FSTL5: variants seen among roughly 807,000 people sequenced by gnomAD.
The protein encoded by FSTL5 is follistatin like 5, also known as follistatin-related protein 5.
Under a neutral mutation model 89.1 loss-of-function variants are expected in FSTL5, and 62 were observed. That is an observed-to-expected ratio of 0.70 (90% CI 0.57 to 0.86). The LOEUF (loss-of-function observed/expected upper bound fraction) is 0.86, where lower values mean the gene tolerates loss of function less well. Ranked by LOEUF, FSTL5 falls within the 40% of genes least tolerant of loss-of-function variation. The pLI, the probability that FSTL5 is intolerant of heterozygous loss-of-function variation, is 0.00. For missense variants in FSTL5, 1,057 were observed against 1,001.6 expected (o/e 1.06, Z -0.75); for synonymous variants, 383 against 346.2 (o/e 1.11, Z -1.18).
At chr4:161,616,548 C>T (rs569581476) in intron 7 of FSTL5, among the ~76,000 whole-genome samples, 7 of 152,260 alleles carry the variant, frequency 4.6e-5, no homozygotes, top group South Asian at 2.1e-4. Flanking sequence ...AGCTTGCAGA[C>T]GGCCCATTAT....
chr4:161,597,368 C>T lies in FSTL5; in HGVS notation c.895-9793G>A, dbSNP rs184206697. Among the ~76,000 whole-genome samples, 3 of 150,824 alleles carry T rather than the reference C, an allele frequency of 2.0e-5. No homozygotes were observed. The East Asian group carries it at 6.0e-4, about 30-fold the overall frequency. On this transcript the variant is annotated intron_variant, in intron 7 of 15. Coordinates refer to ENST00000306100, the MANE Select transcript of FSTL5 (RefSeq NM_020116.5). ...GCTGGAAACCATCATTCTCAGCAAA[C>T]TATCCCAAGGACAAAAAACCAAACA...
At chr4:161,835,646 C>T (rs1222862453) in intron 4 of FSTL5, among the ~76,000 whole-genome samples, 33 of 151,738 alleles carry the variant, frequency 2.2e-4, no homozygotes, top group Admixed American at 3.9e-4. Flanking sequence ...GGGTGAAGGA[C>T]ATGAACAGAC....
chr4:162,013,908 G>T (rs940577049), intron 3 of FSTL5, among the ~76,000 whole-genome samples: 2 of 152,012 alleles, frequency 1.3e-5, no homozygotes, highest in Non-Finnish European at 2.9e-5. Context: ...CATTGAGCTT[G>T]ATAAAGGTGC....
Position 161,469,862 on chromosome 4 carries a change from T to C in FSTL5, c.1609-10543A>G, listed in dbSNP as rs1733876463. 2.6e-5 allele frequency among the ~76,000 whole-genome samples: 4 copies of C among 152,178 alleles called. No individual in the cohort carries two copies. The South Asian group carries it at 8.3e-4, about 32-fold the overall frequency. ...TTTCACCGTGTTAGCCAGGATGGTC[T>C]CAATCTCCTGACTTTGTGATCCACC... On this transcript the variant is annotated intron_variant, in intron 13 of 15. Transcript: ENST00000306100.
chr4:161,805,585 GCAA>G (rs572033170), intron 4 of FSTL5, among the ~76,000 whole-genome samples: 99 of 152,178 alleles, frequency 6.5e-4, no homozygotes, highest in African/African-American at 2.1e-3. Context: ...GAACAATGAG[GCAA>G]CCTTGTATCA....
At position 161,779,800 on chromosome 4, in the gene FSTL5, T is replaced by TATAC. The variant is rs1741581043; in HGVS notation, c.410-3727_410-3726insGTAT. Among the ~76,000 whole-genome samples, 4 of 57,184 alleles carry TATAC rather than the reference T, an allele frequency of 7.0e-5. No homozygotes were observed. The South Asian group carries it at 2.1e-3, about 31-fold the overall frequency. The allele number at this position is 57,184 out of a possible 152,430, so 37.5% of individuals were successfully genotyped here. On this transcript the variant is annotated intron_variant, in intron 4 of 15. Coordinates refer to ENST00000306100, the MANE Select transcript of FSTL5 (RefSeq NM_020116.5). ...GTATATATATATATATATATATATA[T>TATAC]ATATATATATGTATATATATATATA...
At chr4:161,924,344 T>G (rs1308902920) in intron 3 of FSTL5, among the ~76,000 whole-genome samples, 1 of 150,958 alleles carries the variant, frequency 6.6e-6, no homozygotes, top group African/African-American at 2.4e-5. Context: ...CAATAATGAA[T>G]AAAATTATCT....
intron 7 of FSTL5, among the ~76,000 whole-genome samples, chr4:161,604,987 G>A (rs1734386356): frequency 6.6e-6 from 1 of 152,086 alleles, no homozygotes; most frequent in African/African-American, 2.4e-5. Context: ...GAGGATAGAG[G>A]CAATGCATTA....
At chr4:161,986,801 G>C (rs575954485) in intron 3 of FSTL5, among the ~76,000 whole-genome samples, 3 of 152,116 alleles carry the variant, frequency 2.0e-5, no homozygotes. Flanking sequence ...CATGTTTGAC[G>C]TTGATGGCTC....
intron 3 of FSTL5, among the ~76,000 whole-genome samples, chr4:162,029,671 T>G (rs1016545113): frequency 6.6e-6 from 1 of 152,088 alleles, no homozygotes; most frequent in East Asian, 1.9e-4. Flanking sequence ...TTCTTAAAGT[T>G]ATGAAGCACT....
At chr4:161,928,816 T>C (rs1213769029) in intron 3 of FSTL5, among the ~76,000 whole-genome samples, 1 of 151,836 alleles carries the variant, frequency 6.6e-6, no homozygotes, top group African/African-American at 2.4e-5. Flanking sequence ...GATGTGTCTT[T>C]GCAAATATTT....
chr4:162,111,434 G>T, intron 1 of FSTL5, 22 bp from the exon 2 acceptor site: 1 of 1,551,664 alleles, frequency 6.4e-7, no homozygotes, highest in Non-Finnish European at 8.8e-7. Context: ...AAAATTGCAA[G>T]GAATCAGAGA....
chr4:161,576,871 T>C (rs1733226744), intron 8 of FSTL5, among the ~76,000 whole-genome samples: 1 of 152,192 alleles, frequency 6.6e-6, no homozygotes, highest in Admixed American at 6.5e-5. Flanking sequence ...TAGGTAGGCA[T>C]CCATAGGCTG....
At chr4:162,080,327 T>G (rs1006664601) in intron 2 of FSTL5, among the ~76,000 whole-genome samples, 1 of 151,794 alleles carries the variant, frequency 6.6e-6, no homozygotes, top group East Asian at 2.0e-4. Flanking sequence ...AACACTGATA[T>G]GAATAATTAA....
At chr4:162,048,970 G>C (rs561222432) in intron 2 of FSTL5, among the ~76,000 whole-genome samples, 1 of 152,262 alleles carries the variant, frequency 6.6e-6, no homozygotes, top group South Asian at 2.1e-4. Context: ...TTTTGGAACT[G>C]AGATGTTGGC....
At chr4:161,467,869 G>T (rs1291215515) in intron 13 of FSTL5, among the ~76,000 whole-genome samples, 1 of 152,068 alleles carries the variant, frequency 6.6e-6, no homozygotes, top group East Asian at 1.9e-4. Context: ...TTTTTTAAAA[G>T]ATAAATGTAT....
intron 1 of FSTL5, among the ~76,000 whole-genome samples, chr4:162,135,696 G>C (rs955087876): frequency 6.6e-6 from 1 of 152,070 alleles, no homozygotes; most frequent in Non-Finnish European, 1.5e-5. Context: ...TGAGATCAGA[G>C]ATTATAACTG....
intron 10 of FSTL5, among the ~76,000 whole-genome samples, chr4:161,519,165 G>C (rs1472939444): frequency 6.6e-6 from 1 of 152,296 alleles, no homozygotes; most frequent in East Asian, 1.9e-4. Flanking sequence ...GACATTTACT[G>C]TTTCAACGTG....
At chr4:162,154,095 C>T (rs1401169065) in intron 1 of FSTL5, among the ~76,000 whole-genome samples, 1 of 151,988 alleles carries the variant, frequency 6.6e-6, no homozygotes, top group Non-Finnish European at 1.5e-5. Flanking sequence ...GCTTGAGCCA[C>T]TGCACCCAGC....
Sources: allele counts gnomAD v4.1 joint callset (sites outside exome capture counted in the v4.1 genomes callset), GRCh38; gene constraint gnomAD v4.1.1; transcripts MANE v1.5; gene names NCBI Gene and HGNC (gene_info 2026-07-23, HGNC 2026-07-21).